The following CLSTN2 variants were observed in gnomAD, a reference collection of about 807,000 sequenced individuals.
The protein encoded by CLSTN2 is calsyntenin 2, also known as calsyntenin-2.
In CLSTN2, 48 loss-of-function variants were observed where a neutral mutation model predicts 101.2. The observed-to-expected ratio is 0.47, with a 90% CI of 0.38 to 0.60. CLSTN2 has a LOEUF of 0.60. Ranked by LOEUF, CLSTN2 falls within the 20% of genes least tolerant of loss-of-function variation. The pLI is 0.00. For synonymous variants in CLSTN2, 481 were observed against 463.6 expected, an observed-to-expected ratio of 1.04 and a Z score of -0.48; for missense variants, 1,160 against 1,238.2, an observed-to-expected ratio of 0.94 and a Z score of 0.95.
chr3:140,535,535 G>A (rs950002816), intron 9 of CLSTN2, among the ~76,000 whole-genome samples: 7 of 152,196 alleles, frequency 4.6e-5, no homozygotes, highest in Admixed American at 2.0e-4. Flanking sequence ...AAGTATTTTT[G>A]GTCCTTTTTC....
intron 2 of CLSTN2, among the ~76,000 whole-genome samples, chr3:140,311,902 T>C (rs942415838): frequency 3.3e-5 from 5 of 152,206 alleles, no homozygotes; most frequent in African/African-American, 1.2e-4. Context: ...AAGGCTTATC[T>C]TGAGTCGCAT....
chr3:139,942,297 C>T (rs1249753558), intron 1 of CLSTN2, among the ~76,000 whole-genome samples: 1 of 152,166 alleles, frequency 6.6e-6, no homozygotes, highest in Non-Finnish European at 1.5e-5. Context: ...TTGAAGCCCT[C>T]CTCACCTCCT....
chr3:140,157,407 C>T (rs1175893078), intron 1 of CLSTN2, among the ~76,000 whole-genome samples: 1 of 152,102 alleles, frequency 6.6e-6, no homozygotes, highest in Non-Finnish European at 1.5e-5. Context: ...ATTACTGATC[C>T]AATTTTGGAA....
intron 1 of CLSTN2, among the ~76,000 whole-genome samples, chr3:139,978,422 T>C (rs1935856943): frequency 6.6e-6 from 1 of 152,146 alleles, no homozygotes; most frequent in African/African-American, 2.4e-5. Flanking sequence ...TGCTTAGTCT[T>C]ATTATTGTTG....
chr3:140,284,605 T>C (rs1461933259), intron 2 of CLSTN2, among the ~76,000 whole-genome samples: 3 of 152,118 alleles, frequency 2.0e-5, no homozygotes, highest in Non-Finnish European at 4.4e-5. Flanking sequence ...GTGCCTATTT[T>C]CTGAGGAAAG....
intron 1 of CLSTN2, among the ~76,000 whole-genome samples, chr3:139,981,839 C>G (rs1455351884): frequency 6.6e-6 from 1 of 152,156 alleles, no homozygotes; most frequent in East Asian, 1.9e-4. Flanking sequence ...ACAATGTAAG[C>G]AAATGAAAAA....
intron 9 of CLSTN2, among the ~76,000 whole-genome samples, chr3:140,534,858 ATTTG>A (rs1258617527): frequency 6.6e-6 from 1 of 152,338 alleles, no homozygotes; most frequent in East Asian, 1.9e-4. Context: ...GCCAATAGAT[ATTTG>A]TTTGGCTCTC....
At chr3:140,304,293 G>A (rs528831927) in intron 2 of CLSTN2, among the ~76,000 whole-genome samples, 9 of 152,252 alleles carry the variant, frequency 5.9e-5, no homozygotes, top group East Asian at 3.9e-4. Flanking sequence ...GAATCTTTGC[G>A]TCTTAGTTGG....
intron 4 of CLSTN2, among the ~76,000 whole-genome samples, chr3:140,415,486 C>CAAAAAAAAAAA (rs751616049): frequency 3.7e-3 from 209 of 56,870 alleles, no homozygotes; most frequent in East Asian, 7.6e-3. Flanking sequence ...CACAAAATAG[C>CAAAAAAAAAAA]AAAAAAAAAA....
At chr3:140,490,402 G>T (rs1330791754) in intron 8 of CLSTN2, among the ~76,000 whole-genome samples, 1 of 151,204 alleles carries the variant, frequency 6.6e-6, no homozygotes, top group East Asian at 2.0e-4. Flanking sequence ...CAACACTGCG[G>T]AATCATTTTC....
chr3:140,407,948 G>A (rs764654409), intron 4 of CLSTN2, among the ~76,000 whole-genome samples: 12 of 152,262 alleles, frequency 7.9e-5, no homozygotes, highest in South Asian at 2.1e-4. Flanking sequence ...TTGCAAACAC[G>A]AAGTATGGGG....
chr3:139,970,408 A>G (rs1423188286), intron 1 of CLSTN2, among the ~76,000 whole-genome samples: 2 of 152,198 alleles, frequency 1.3e-5, no homozygotes, highest in Non-Finnish European at 2.9e-5. Flanking sequence ...TTGGCATCAT[A>G]TCTTGGACAG....
At chr3:140,098,864 A>T (rs765796932) in intron 1 of CLSTN2, among the ~76,000 whole-genome samples, 18 of 152,136 alleles carry the variant, frequency 1.2e-4, no homozygotes, top group Non-Finnish European at 2.1e-4. Context: ...GAGAGCTAAA[A>T]TTGACTGGAC....
At chr3:140,161,275 C>T (rs565452370) in intron 1 of CLSTN2, among the ~76,000 whole-genome samples, 3 of 152,128 alleles carry the variant, frequency 2.0e-5, no homozygotes, top group Non-Finnish European at 4.4e-5. Flanking sequence ...ATTCAGAGTC[C>T]AAATGTATTT....
chr3:140,396,948 A>C (rs1245772425), intron 2 of CLSTN2, among the ~76,000 whole-genome samples: 1 of 152,216 alleles, frequency 6.6e-6, no homozygotes, highest in East Asian at 1.9e-4. Context: ...ACTCTTAAAT[A>C]TTATTAAAGA....
At chr3:139,990,247 C>T (rs372286969) in intron 1 of CLSTN2, among the ~76,000 whole-genome samples, 22 of 152,184 alleles carry the variant, frequency 1.4e-4, no homozygotes, top group Admixed American at 2.6e-4. Flanking sequence ...TAAGTTTGGT[C>T]CAGAAGGCAT....
chr3:140,315,633 G>GT (rs1448449788), intron 2 of CLSTN2, among the ~76,000 whole-genome samples: 2 of 152,170 alleles, frequency 1.3e-5, no homozygotes, highest in Admixed American at 1.3e-4. Flanking sequence ...TTTTTAACTA[G>GT]TAAAGGAAGA....
intron 8 of CLSTN2, among the ~76,000 whole-genome samples, chr3:140,488,383 C>A (rs903233455): frequency 1.9e-4 from 29 of 152,140 alleles, no homozygotes; most frequent in African/African-American, 5.3e-4. Flanking sequence ...CACTTCACTT[C>A]TCTGAGCCTT....
At chr3:140,240,236 A>C (rs2086453352) in intron 2 of CLSTN2, among the ~76,000 whole-genome samples, 2 of 90,386 alleles carry the variant, frequency 2.2e-5, no homozygotes, top group African/African-American at 3.5e-5. Flanking sequence ...ATATATATGC[A>C]TATATACACA....
Sources: gnomAD v4.1 joint callset for allele counts (sites outside exome capture counted in the v4.1 genomes callset) on GRCh38, gnomAD v4.1.1 for gene constraint, MANE v1.5 for transcripts, NCBI Gene and HGNC (gene_info 2026-07-23, HGNC 2026-07-21) for gene names.